The following PCCA variants were observed in gnomAD, a reference collection of about 807,000 sequenced individuals.
PCCA encodes propionyl-CoA carboxylase subunit alpha.
Under a neutral mutation model 101.3 loss-of-function variants are expected in PCCA, and 74 were observed. The ratio of observed to expected loss-of-function variants is 0.73; its 90% CI spans 0.61 to 0.89. PCCA has a LOEUF of 0.89. Ranked by LOEUF, PCCA falls within the 40% of genes least tolerant of loss-of-function variation. PCCA has a pLI of 0.00. For synonymous variants in PCCA, 294 were observed against 313.6 expected (o/e 0.94, Z 0.66); for missense variants, 891 against 907.0 (o/e 0.98, Z 0.23).
intron 18 of PCCA, among the ~76,000 whole-genome samples, chr13:100,361,595 A>G (rs569724564): frequency 4.6e-5 from 7 of 152,316 alleles, no homozygotes; most frequent in African/African-American, 1.4e-4. Flanking sequence ...AATAAGGCCA[A>G]TGACCTAATA....
At chr13:100,328,788 G>A (rs2069089247) in intron 16 of PCCA, among the ~76,000 whole-genome samples, 1 of 141,238 alleles carries the variant, frequency 7.1e-6, no homozygotes, top group Non-Finnish European at 1.5e-5. Flanking sequence ...CCACCTCCCA[G>A]GTTCAAGCGA....
At chr13:100,474,442 C>T (rs1401295004) in intron 21 of PCCA, among the ~76,000 whole-genome samples, 3 of 14,182 alleles carry the variant, frequency 2.1e-4, no homozygotes, top group Non-Finnish European at 3.7e-4. Flanking sequence ...TTTACTGTTT[C>T]TCTCTCTCTC....
intron 7 of PCCA, among the ~76,000 whole-genome samples, chr13:100,235,400 AT>A (rs2060734064): frequency 6.6e-6 from 1 of 152,090 alleles, no homozygotes; most frequent in Non-Finnish European, 1.5e-5. Context: ...TTTCTGCAAA[AT>A]CGATCAACTA....
chr13:100,503,312 G>A (rs1030578469), intron 21 of PCCA, among the ~76,000 whole-genome samples: 3 of 151,908 alleles, frequency 2.0e-5, no homozygotes, highest in Non-Finnish European at 4.4e-5. Context: ...CCAACATGGA[G>A]AAACCCTGTC....
chr13:100,388,877 G>A (rs114775777), intron 19 of PCCA, among the ~76,000 whole-genome samples: 71 of 152,324 alleles, frequency 4.7e-4, no homozygotes, highest in African/African-American at 1.3e-3. Context: ...TAAATAGAAT[G>A]AACAGTGGAG....
intron 4 of PCCA, among the ~76,000 whole-genome samples, chr13:100,127,292 G>A (rs538988417): frequency 1.3e-3 from 198 of 152,058 alleles, no homozygotes; most frequent in South Asian, 2.5e-3. Flanking sequence ...TTTATAAAAC[G>A]TTAAGGAGAT....
intron 12 of PCCA, among the ~76,000 whole-genome samples, chr13:100,300,929 C>T (rs2066013154): frequency 6.6e-6 from 1 of 152,000 alleles, no homozygotes; most frequent in African/African-American, 2.4e-5. Flanking sequence ...GGAAAGCAAC[C>T]TGAAGGATCC....
intron 4 of PCCA, among the ~76,000 whole-genome samples, chr13:100,129,634 G>A (rs2050296145): frequency 6.6e-6 from 1 of 152,126 alleles, no homozygotes; most frequent in Admixed American, 6.5e-5. Flanking sequence ...TTGGACACAT[G>A]GCAGATTAGT....
chr13:100,440,766 A>G (rs1247453039), intron 20 of PCCA, among the ~76,000 whole-genome samples: 2 of 152,000 alleles, frequency 1.3e-5, no homozygotes, highest in African/African-American at 4.8e-5. Context: ...CACTCTCAGG[A>G]TATATAGGAT....
rs1366252901 is a variant in PCCA, at chr13:100,298,668, C to G, written c.1066-2792C>G. On this transcript the variant is annotated intron_variant, in intron 12 of 23. Coordinates refer to ENST00000376285, the MANE Select transcript of PCCA (RefSeq NM_000282.4). Reference sequence around the variant, plus strand: ...CCTCCCTCCCTCCCTCCCTCCCTCCCTCCCTCCTTCCTTCCTTCCTTCCTT... The same window carrying G: ...CCTCCCTCCCTCCCTCCCTCCCTCCGTCCCTCCTTCCTTCCTTCCTTCCTT... 1.7e-3 allele frequency among the ~76,000 whole-genome samples: 6 copies of G among 3,628 alleles called. 1 individual carries two copies. Among genetic ancestry groups the G allele is most frequent in the Admixed American group, 3.8e-3 (1 of 262 alleles). 2.4% of individuals were successfully genotyped at this position (3,628 alleles called of 152,430 possible).
chr13:100,323,662 C>G (rs1390780136), intron 16 of PCCA, among the ~76,000 whole-genome samples: 1 of 152,132 alleles, frequency 6.6e-6, no homozygotes, highest in Non-Finnish European at 1.5e-5. Flanking sequence ...TTAGGTAGGT[C>G]AGTGCTGAAG....
At chr13:100,279,763 C>A (rs949607737) in intron 12 of PCCA, among the ~76,000 whole-genome samples, 1 of 152,126 alleles carries the variant, frequency 6.6e-6, no homozygotes, top group Admixed American at 6.5e-5. Flanking sequence ...CATGAGCCAC[C>A]GCGCCTGGCC....
At chr13:100,109,286 G>T (rs1003855276) in intron 2 of PCCA, among the ~76,000 whole-genome samples, 1 of 152,190 alleles carries the variant, frequency 6.6e-6, no homozygotes, top group African/African-American at 2.4e-5. Context: ...AGGGTGACTT[G>T]TTCATAGCAG....
chr13:100,302,576 G>GTA (rs1441049805), intron 13 of PCCA, among the ~76,000 whole-genome samples: 1 of 151,916 alleles, frequency 6.6e-6, no homozygotes, highest in Non-Finnish European at 1.5e-5. Flanking sequence ...AATATCTTTA[G>GTA]TATACCACAT....
rs763525720 is a variant in PCCA at position 100,284,997 on chromosome 13, G to A, written c.1065+11651G>A. ...TCTAGATCTCTTGAACTTTCTAGCT[G>A]ATCAAGGGTACAAGGTGTCTAGGTC... On this transcript the variant is annotated intron_variant, in intron 12 of 23. Coordinates refer to ENST00000376285, the MANE Select transcript of PCCA (RefSeq NM_000282.4). Among the ~76,000 whole-genome samples, 80 of 152,102 alleles carry A rather than the reference G, an allele frequency of 5.3e-4. 1 individual carries two copies. The highest frequency in any genetic ancestry group is 2.5e-4 in the Non-Finnish European group (17 of 68,046).
chr13:100,402,672 A>G (rs2077438037), intron 19 of PCCA, among the ~76,000 whole-genome samples: 1 of 152,138 alleles, frequency 6.6e-6, no homozygotes, highest in Non-Finnish European at 1.5e-5. Flanking sequence ...ACAGAGATTC[A>G]GAGCAAGGAA....
chr13:100,313,921 CT>C (rs368199514), intron 16 of PCCA, among the ~76,000 whole-genome samples: 4 of 152,196 alleles, frequency 2.6e-5, no homozygotes, highest in African/African-American at 9.6e-5. Flanking sequence ...CATATTTAAG[CT>C]TGTCCCTCGG....
At position 100,107,752 on chromosome 13, in the gene PCCA, G is replaced by A. The variant is rs114959257; in HGVS notation, c.184-4089G>A. 9.7e-3 allele frequency among the ~76,000 whole-genome samples: 1,475 copies of A among 152,222 alleles called. 17 individuals carry two copies. The highest frequency in any genetic ancestry group is 0.033 in the African/African-American group (1,389 of 41,514). ...CGGAGATATTATCAGAACTGACTTCGTGGGATTATTATGCTAAATATTGTC... is the reference window on the plus strand; with the variant it reads ...CGGAGATATTATCAGAACTGACTTCATGGGATTATTATGCTAAATATTGTC... On this transcript the variant is annotated intron_variant, in intron 2 of 23. Coordinates refer to ENST00000376285, the MANE Select transcript of PCCA (RefSeq NM_000282.4).
chr13:100,215,287 T>G (rs2059447551), intron 7 of PCCA, among the ~76,000 whole-genome samples: 1 of 152,256 alleles, frequency 6.6e-6, no homozygotes, highest in African/African-American at 2.4e-5. Flanking sequence ...ATTTACCAAG[T>G]GCACGCAATT....
Sources: allele counts gnomAD v4.1 joint callset (sites outside exome capture counted in the v4.1 genomes callset), GRCh38; gene constraint gnomAD v4.1.1; transcripts MANE v1.5; gene names NCBI Gene and HGNC (gene_info 2026-07-23, HGNC 2026-07-21).